The following NXNL2 variants were observed in gnomAD, a reference collection of about 807,000 sequenced individuals.
NXNL2 encodes the protein nucleoredoxin-like protein 2.
NXNL2 carries 7 observed loss-of-function variants against 11.1 expected under a neutral mutation model. That is an observed-to-expected ratio of 0.63 (90% CI 0.36 to 1.18). The LOEUF is 1.18. Among genes scored for constraint, NXNL2 ranks in the 50% most tolerant of loss-of-function variants. The pLI is 0.02. For missense variants in NXNL2, 233 were observed against 217.7 expected (o/e 1.07, Z -0.44); for synonymous variants, 109 against 101.8 (o/e 1.07, Z -0.42).
chr9:88,547,878 A>G (rs1436661969), downstream of NXNL2, among the ~76,000 whole-genome samples: 1 of 150,608 alleles, frequency 6.6e-6, no homozygotes, highest in African/African-American at 2.4e-5. Context: ...TTAGCCAGGC[A>G]TGGTGGCGGG....
At chr9:88,540,430 C>T (rs1829729493) in intron 1 of NXNL2, among the ~76,000 whole-genome samples, 1 of 150,816 alleles carries the variant, frequency 6.6e-6, no homozygotes, top group Non-Finnish European at 1.5e-5. Context: ...GTTCATTGAC[C>T]TGTCCAGGCT....
chr9:88,562,966 T>C (rs924866930), intron 1 of NXNL2, among the ~76,000 whole-genome samples: 1 of 151,648 alleles, frequency 6.6e-6, no homozygotes, highest in African/African-American at 2.4e-5. Flanking sequence ...CACACACCTG[T>C]AGTCCCAGCT....
chr9:88,574,101 C>T (rs901295238), intron 2 of NXNL2, among the ~76,000 whole-genome samples: 2 of 152,156 alleles, frequency 1.3e-5, no homozygotes, highest in African/African-American at 4.8e-5. Context: ...TATGGTCTAG[C>T]AATTCCACTC....
chr9:88,574,330 G>A (rs773739203), intron 2 of NXNL2, among the ~76,000 whole-genome samples: 1 of 152,178 alleles, frequency 6.6e-6, no homozygotes, highest in African/African-American at 2.4e-5. Context: ...CAAGGTTAAG[G>A]ACATGCCTGT....
At chr9:88,540,899 G>A (rs112794175) in intron 1 of NXNL2, among the ~76,000 whole-genome samples, 5 of 113,030 alleles carry the variant, frequency 4.4e-5, no homozygotes, top group Middle Eastern at 6.0e-3. Context: ...TGATATTCTT[G>A]TGCCTTCTCT....
At chr9:88,576,663 A>G (rs1180580348), downstream of NXNL2, among the ~76,000 whole-genome samples, 7 of 152,132 alleles carry the variant, frequency 4.6e-5, no homozygotes, top group Non-Finnish European at 5.9e-5. Context: ...CTAGAAGGAC[A>G]ACTTGTGTCT....
chr9:88,535,361 T>TCGC lies in NXNL2; in HGVS notation c.-66_-64dup, dbSNP rs1346789870. On this transcript the variant is annotated 5_prime_UTR_variant, in exon 1 of 2. Transcript: ENST00000375854. ...GGACAGAGGCGGGGCACCGCGGCGC[T>TCGC]CGCCGCCGCCTCCCCGCAGGTGATC... The TCGC allele has an allele frequency of 1.1e-5, 16 of 1,409,178 alleles. No homozygotes were observed. Among genetic ancestry groups the TCGC allele is most frequent in the Non-Finnish European group, 1.4e-5 (15 of 1,070,628 alleles). The allele number at this position is 1,409,178 out of a possible 1,614,324, so 87.3% of individuals were successfully genotyped here.
At chr9:88,554,490 C>T (rs544790353) in intron 1 of NXNL2, among the ~76,000 whole-genome samples, 1 of 152,316 alleles carries the variant, frequency 6.6e-6, no homozygotes, top group South Asian at 2.1e-4. Flanking sequence ...CAGACATGAG[C>T]CACCGCACCC....
intron 1 of NXNL2, among the ~76,000 whole-genome samples, chr9:88,556,627 G>C (rs1022540434): frequency 9.8e-5 from 15 of 152,302 alleles, no homozygotes; most frequent in Admixed American, 6.5e-4. Flanking sequence ...TCTACCTGGA[G>C]CTGGCTGCCT....
At chr9:88,570,593 T>TA (rs74889275) in intron 1 of NXNL2, among the ~76,000 whole-genome samples, 8,181 of 152,274 alleles carry the variant, frequency 0.054, 352 homozygotes, top group African/African-American at 0.11. Flanking sequence ...ACCTATCTCA[T>TA]AAGGCTGTTG....
At chr9:88,554,824 G>A (rs1327286357) in intron 1 of NXNL2, among the ~76,000 whole-genome samples, 1 of 152,098 alleles carries the variant, frequency 6.6e-6, no homozygotes, top group African/African-American at 2.4e-5. Context: ...AAAATTTCAG[G>A]GCCCTATAAA....
chr9:88,551,443 T>C (rs1011507090), intron 1 of NXNL2, among the ~76,000 whole-genome samples: 6 of 152,180 alleles, frequency 3.9e-5, no homozygotes, highest in Admixed American at 3.9e-4. Flanking sequence ...ATGATTTTAA[T>C]ACATATAAAG....
intron 1 of NXNL2, among the ~76,000 whole-genome samples, chr9:88,561,688 G>A (rs1278576831): frequency 6.6e-6 from 1 of 152,140 alleles, no homozygotes; most frequent in East Asian, 1.9e-4. Context: ...GGGGAGCCTT[G>A]TGTGGACAGT....
At chr9:88,559,279 C>A (rs142339446) in intron 1 of NXNL2, among the ~76,000 whole-genome samples, 88 of 152,240 alleles carry the variant, frequency 5.8e-4, no homozygotes, top group Admixed American at 2.9e-3. Context: ...GGTTACATGG[C>A]AAGTATGATC....
chr9:88,541,565 T>C (rs1298590254), intron 1 of NXNL2, among the ~76,000 whole-genome samples: 1 of 152,190 alleles, frequency 6.6e-6, no homozygotes, highest in Admixed American at 6.5e-5. Context: ...CCAGGCTCGG[T>C]AGAGATTTGT....
intron 1 of NXNL2, among the ~76,000 whole-genome samples, chr9:88,557,994 T>C (rs991246685): frequency 6.6e-6 from 1 of 152,196 alleles, no homozygotes; most frequent in Admixed American, 6.5e-5. Flanking sequence ...AAATATATAT[T>C]TGGGCTTCAT....
chr9:88,559,124 T>C (rs1830054497), intron 1 of NXNL2, among the ~76,000 whole-genome samples: 1 of 152,148 alleles, frequency 6.6e-6, no homozygotes, highest in South Asian at 2.1e-4. Flanking sequence ...CTCTTTCCCA[T>C]AGGGACGACT....
Position 88,544,595 on chromosome 9 carries a change from C to G in NXNL2, c.*48C>G, listed in dbSNP as rs570667217. On this transcript the variant is annotated 3_prime_UTR_variant, in exon 2 of 2. Transcript: ENST00000375854. Reference sequence around the variant, plus strand: ...CAGGACAGGTGCTGCTTCTCCAGCACCGACGCTGGGGCAAAGAGGAGCATG... The same window carrying G: ...CAGGACAGGTGCTGCTTCTCCAGCAGCGACGCTGGGGCAAAGAGGAGCATG... 100 of 1,467,596 alleles carry G rather than the reference C, an allele frequency of 6.8e-5. 2 individuals carry two copies. In the South Asian group the frequency reaches 1.3e-3, roughly 20 times the overall value. 90.9% of individuals were successfully genotyped at this position (1,467,596 alleles called of 1,614,324 possible).
At chr9:88,575,913 G>A (rs1257309589), downstream of NXNL2, 1 of 152,058 alleles carries the variant, frequency 6.6e-6, no homozygotes, top group African/African-American at 2.4e-5. Flanking sequence ...AAAAAAATTA[G>A]GCCAGGCACG....
Sources: allele counts gnomAD v4.1 joint callset (sites outside exome capture counted in the v4.1 genomes callset), GRCh38; gene constraint gnomAD v4.1.1; transcripts MANE v1.5; gene names NCBI Gene and HGNC (gene_info 2026-07-23, HGNC 2026-07-21).